Variants in KLHL2 observed in about 807,000 individuals in gnomAD.
KLHL2 encodes kelch-like protein 2.
Under a neutral mutation model 75.8 loss-of-function variants are expected in KLHL2, and 15 were observed. That is an observed-to-expected ratio of 0.20 (90% CI 0.13 to 0.30). The LOEUF (loss-of-function observed/expected upper bound fraction) is 0.30. KLHL2 is among the 10% of genes least tolerant of loss of function. The pLI is 1.00. For synonymous variants in KLHL2, 214 were observed against 251.9 expected, an observed-to-expected ratio of 0.85 and a Z score of 1.42; for missense variants, 381 against 741.0, an observed-to-expected ratio of 0.51 and a Z score of 5.64.
chr4:165,288,282 A>T (rs1014276589), intron 5 of KLHL2, among the ~76,000 whole-genome samples: 5 of 152,220 alleles, frequency 3.3e-5, no homozygotes, highest in African/African-American at 1.2e-4. Flanking sequence ...TGGTCTTGGC[A>T]CTCTTGTCAA....
chr4:165,251,155 T>A (rs1016582089), intron 4 of KLHL2, among the ~76,000 whole-genome samples: 5 of 151,780 alleles, frequency 3.3e-5, no homozygotes, highest in African/African-American at 1.2e-4. Context: ...CATAAATTCC[T>A]GTATCAAACC....
At chr4:165,210,141 T>G (rs755878258) in intron 1 of KLHL2, 1 of 1,551,730 alleles carries the variant, frequency 6.4e-7, no homozygotes, top group Non-Finnish European at 8.7e-7. Flanking sequence ...TTAAAGTGCC[T>G]TATGGTATGG....
chr4:165,260,780 T>C (rs1234741007), intron 4 of KLHL2, among the ~76,000 whole-genome samples: 1 of 152,260 alleles, frequency 6.6e-6, no homozygotes. Flanking sequence ...ACAATAATGC[T>C]GTAATGAATA....
intron 6 of KLHL2, among the ~76,000 whole-genome samples, chr4:165,297,325 A>C (rs1262708495): frequency 1.3e-5 from 2 of 152,206 alleles, no homozygotes; most frequent in Non-Finnish European, 2.9e-5. Context: ...GTAAACCTGA[A>C]GAAAAAGCCA....
At chr4:165,246,336 C>G (rs1740258674) in intron 4 of KLHL2, among the ~76,000 whole-genome samples, 1 of 151,950 alleles carries the variant, frequency 6.6e-6, no homozygotes, top group Non-Finnish European at 1.5e-5. Context: ...GGTTTGTAGA[C>G]TATGATAAGG....
At chr4:165,258,527 T>C (rs189979506) in intron 4 of KLHL2, among the ~76,000 whole-genome samples, 114 of 152,232 alleles carry the variant, frequency 7.5e-4, no homozygotes, top group African/African-American at 2.6e-3. Flanking sequence ...ATTGTATCAA[T>C]GTAATTCTAC....
intron 2 of KLHL2, among the ~76,000 whole-genome samples, chr4:165,227,056 A>G (rs1738498170): frequency 1.3e-5 from 2 of 152,214 alleles, no homozygotes; most frequent in African/African-American, 4.8e-5. Context: ...GTGAACCCAT[A>G]GAATTCATAG....
chr4:165,308,740 A>C (rs1745922110), intron 9 of KLHL2, among the ~76,000 whole-genome samples: 1 of 152,212 alleles, frequency 6.6e-6, no homozygotes, highest in Non-Finnish European at 1.5e-5. Context: ...CAAGATTCCC[A>C]CAATGAACAT....
chr4:165,323,083 C>T lies in KLHL2; in HGVS notation c.*1023C>T, dbSNP rs181406982. ...AGTTTTTCTGAGATCTTCAATTAAT[C>T]TCACTTTAAAAATGACCAAAACATG... On this transcript the variant is annotated 3_prime_UTR_variant, in exon 15 of 15. Transcript: ENST00000226725. 1 of 152,702 alleles carries T rather than the reference C, an allele frequency of 6.5e-6. No individual in the cohort carries two copies. Among genetic ancestry groups the T allele is most frequent in the East Asian group, 1.9e-4 (1 of 5,190 alleles). 9.5% of individuals were successfully genotyped at this position (152,702 alleles called of 1,614,324 possible).
rs189149310 is a variant in KLHL2 at position 165,288,349 on chromosome 4, A to C, written c.545-6010A>C. 7.7e-4 allele frequency among the ~76,000 whole-genome samples: 115 copies of C among 149,858 alleles called. 3 individuals are homozygous for C. The East Asian group carries it at 0.016, about 21-fold the overall frequency. ...AAATATTTGAACGGTATACATTGAA[A>C]GAGTCATCCTTTCACCCTTGTTCCT... On this transcript the variant is annotated intron_variant, in intron 5 of 14. Coordinates refer to ENST00000226725, the MANE Select transcript of KLHL2 (RefSeq NM_007246.4).
intron 3 of KLHL2, among the ~76,000 whole-genome samples, chr4:165,233,521 A>G (rs1739082333): frequency 1.3e-5 from 2 of 152,144 alleles, no homozygotes; most frequent in Non-Finnish European, 2.9e-5. Context: ...TAGAATAGGA[A>G]AAGACAGATT....
intron 5 of KLHL2, among the ~76,000 whole-genome samples, chr4:165,264,743 T>TAA (rs1454058663): frequency 8.1e-5 from 5 of 61,738 alleles, no homozygotes. Flanking sequence ...TATATATGTA[T>TAA]ATATATATAT....
At chr4:165,286,962 GT>G (rs1425946480) in intron 5 of KLHL2, among the ~76,000 whole-genome samples, 1 of 152,102 alleles carries the variant, frequency 6.6e-6, no homozygotes, top group Non-Finnish European at 1.5e-5. Flanking sequence ...CATCACCAGT[GT>G]TTTCAAATGG....
At chr4:165,310,828 C>A in intron 10 of KLHL2, 78 bp downstream of exon 10, 430 of 923,048 alleles carry the variant, frequency 4.7e-4, no homozygotes, top group Non-Finnish European at 6.7e-4. Flanking sequence ...ATTGTGGCAA[C>A]ATTAGGGCAC....
chr4:165,230,673 G>A (rs1738812214), intron 3 of KLHL2, among the ~76,000 whole-genome samples: 1 of 151,764 alleles, frequency 6.6e-6, no homozygotes, highest in Admixed American at 6.6e-5. Flanking sequence ...CCCTCAAATG[G>A]CTTTGGAGAC....
intron 8 of KLHL2, among the ~76,000 whole-genome samples, chr4:165,305,149 A>G (rs760528257): frequency 4.0e-5 from 6 of 151,648 alleles, no homozygotes; most frequent in African/African-American, 1.5e-4. Context: ...TCCTTCTTCC[A>G]TCTTTCTTTT....
At position 165,305,634 on chromosome 4, in the gene KLHL2, A is replaced by G. The variant is rs763504906; in HGVS notation, c.948A>G (p.Ala316=). The G allele has an allele frequency of 5.6e-6, 9 of 1,613,998 alleles. No homozygotes were observed. Among genetic ancestry groups the G allele is most frequent in the Non-Finnish European group, 6.8e-6 (8 of 1,180,018 alleles). The part of the protein sequence containing the change: ...PKLMVVVGGQ[A]PKAIRSVECY... ...TGATGGTGGTGGTTGGGGGCCAAGCACCAAAGGCTATCCGGAGTGTGGAAT... is the reference window on the plus strand; with the variant it reads ...TGATGGTGGTGGTTGGGGGCCAAGCGCCAAAGGCTATCCGGAGTGTGGAAT... Residue 316 remains alanine (A), a synonymous_variant, in exon 9 of 15, where the codon GCA becomes GCG. Coordinates refer to ENST00000226725, the MANE Select transcript of KLHL2 (RefSeq NM_007246.4).
intron 14 of KLHL2, among the ~76,000 whole-genome samples, chr4:165,321,742 C>T (rs571179574): frequency 1.3e-5 from 2 of 152,232 alleles, no homozygotes; most frequent in South Asian, 2.1e-4. Context: ...CCATCATGCT[C>T]AAAAGTTTCT....
intron 5 of KLHL2, among the ~76,000 whole-genome samples, chr4:165,290,849 C>T (rs937777024): frequency 3.3e-5 from 5 of 152,156 alleles, no homozygotes; most frequent in Admixed American, 2.0e-4. Context: ...TGCCTGTAAT[C>T]CCAGCTACTC....
Sources: gnomAD v4.1 joint callset for allele counts (sites outside exome capture counted in the v4.1 genomes callset) on GRCh38, gnomAD v4.1.1 for gene constraint, MANE v1.5 for transcripts, NCBI Gene and HGNC (gene_info 2026-07-23, HGNC 2026-07-21) for gene names.